TLK2: variants seen among roughly 807,000 people sequenced by gnomAD.
The protein encoded by TLK2 is tousled like kinase 2, also known as serine/threonine-protein kinase tousled-like 2.
A neutral mutation model predicts 117.3 loss-of-function variants in TLK2; 6 were observed. That is an observed-to-expected ratio of 0.05 (90% CI 0.03 to 0.10). TLK2 has a LOEUF of 0.10. Among genes scored for constraint, TLK2 ranks in the 10% least tolerant of loss-of-function variants. The probability of loss-of-function intolerance (pLI) is 1.00; values close to 1 mark genes in which losing one functional copy is unlikely to be tolerated. For synonymous variants in TLK2, 257 were observed against 316.7 expected, an observed-to-expected ratio of 0.81 and a Z score of 2.00; for missense variants, 299 against 901.2, an observed-to-expected ratio of 0.33 and a Z score of 8.56.
chr17:62,544,216 C>T (rs529863274), intron 7 of TLK2, among the ~76,000 whole-genome samples: 1 of 152,258 alleles, frequency 6.6e-6, no homozygotes, highest in East Asian at 1.9e-4. Context: ...CACACTGCTA[C>T]AAAGAACTAC....
At chr17:62,524,846 G>T (rs1266583440) in intron 6 of TLK2, among the ~76,000 whole-genome samples, 2 of 152,126 alleles carry the variant, frequency 1.3e-5, no homozygotes, top group Non-Finnish European at 2.9e-5. Flanking sequence ...TGCCCCTCAG[G>T]AACATTTGTG....
At chr17:62,588,326 G>T (rs1048764382) in intron 16 of TLK2, among the ~76,000 whole-genome samples, 10 of 152,184 alleles carry the variant, frequency 6.6e-5, no homozygotes, top group African/African-American at 2.4e-4. Context: ...AAACACTGAG[G>T]AGTGGAAGCC....
At chr17:62,551,851 T>C (rs2146196802) in intron 7 of TLK2, 1 of 177,424 alleles carries the variant, frequency 5.6e-6, no homozygotes, top group Admixed American at 5.5e-5. Flanking sequence ...CAACCTGGAT[T>C]TTAGACCGCT....
At chr17:62,513,762 C>A (rs2075344749) in intron 2 of TLK2, among the ~76,000 whole-genome samples, 1 of 151,856 alleles carries the variant, frequency 6.6e-6, no homozygotes, top group African/African-American at 2.4e-5. Flanking sequence ...GATCTTGGCT[C>A]ACTGCAACCT....
intron 11 of TLK2, chr17:62,572,906 TA>T: frequency 4.6e-6 from 1 of 219,666 alleles, no homozygotes. Flanking sequence ...CCTTAGCTGT[TA>T]AAAAGGAATC....
At chr17:62,506,644 T>A (rs1334925063) in intron 2 of TLK2, among the ~76,000 whole-genome samples, 2 of 152,242 alleles carry the variant, frequency 1.3e-5, no homozygotes, top group South Asian at 4.1e-4. Context: ...CTAGATTATG[T>A]TCATTTTTAT....
At position 62,567,850 on chromosome 17, in the gene TLK2, T is replaced by C. The variant is rs367792092; in HGVS notation, c.968+2713T>C. On this transcript the variant is annotated intron_variant, in intron 11 of 21. Transcript: ENST00000346027. ...TTATTTTTGTTCACTGGTTCTTTTT[T>C]TGAGTGATCTTTAATTTCCTAAAAC... is the stretch of plus-strand genomic sequence containing the variant. 3.5e-3 allele frequency among the ~76,000 whole-genome samples: 526 copies of C among 152,298 alleles called. 6 individuals are homozygous for C. Among genetic ancestry groups the C allele is most frequent in the African/African-American group, 0.012 (510 of 41,570 alleles).
chr17:62,614,472 C>T lies in TLK2; in HGVS notation c.*1907C>T, dbSNP rs1302901233. The T allele has an allele frequency of 6.6e-6, 1 of 152,210 alleles. No individual in the cohort carries two copies. Among genetic ancestry groups the T allele is most frequent in the Non-Finnish European group, 1.5e-5 (1 of 68,052 alleles). 9.4% of individuals were successfully genotyped at this position (152,210 alleles called of 1,614,324 possible). A position where few individuals can be genotyped will look rare whatever the true frequency, so the allele number is the denominator to read the frequency against. ...TAGAGAGCTCTCAAATAACTCATGACTCTAGTGTTCCTTTCACATGTGAAC... is the reference window on the plus strand; with the variant it reads ...TAGAGAGCTCTCAAATAACTCATGATTCTAGTGTTCCTTTCACATGTGAAC... On this transcript the variant is annotated 3_prime_UTR_variant, in exon 22 of 22. Transcript: ENST00000346027.
upstream of TLK2, among the ~76,000 whole-genome samples, chr17:62,476,583 C>CAAAATAAAATAAAAT (rs59524481): frequency 3.1e-3 from 462 of 147,032 alleles, 5 homozygotes; most frequent in African/African-American, 8.7e-3. Context: ...ACTCTGTCAC[C>CAAAATAAAATAAAAT]AAAATAAAAT....
chr17:62,565,358 T>TA (rs1351007527), intron 11 of TLK2, among the ~76,000 whole-genome samples: 1 of 151,964 alleles, frequency 6.6e-6, no homozygotes, highest in African/African-American at 2.4e-5. Context: ...AGAAAATAAA[T>TA]AAAGTATGAG....
At chr17:62,526,595 C>G (rs2076379222) in intron 6 of TLK2, among the ~76,000 whole-genome samples, 1 of 152,152 alleles carries the variant, frequency 6.6e-6, no homozygotes, top group Admixed American at 6.6e-5. Flanking sequence ...GACATTTCCA[C>G]TTGTACTGCT....
chr17:62,515,137 C>T (rs1321232771), intron 2 of TLK2, among the ~76,000 whole-genome samples: 2 of 152,192 alleles, frequency 1.3e-5, no homozygotes, highest in Admixed American at 1.3e-4. Context: ...TTGTGACTGG[C>T]TTATTCACTT....
chr17:62,568,621 A>G (rs1057471931), intron 11 of TLK2, among the ~76,000 whole-genome samples: 8 of 151,540 alleles, frequency 5.3e-5, no homozygotes, highest in South Asian at 4.2e-4. Context: ...GCCTCACTCT[A>G]TTGCCCAGGC....
chr17:62,491,629 A>G (rs1326058882), intron 2 of TLK2, among the ~76,000 whole-genome samples: 2 of 152,162 alleles, frequency 1.3e-5, no homozygotes, highest in Non-Finnish European at 2.9e-5. Flanking sequence ...CTCTGTCCCC[A>G]GGCTCCTCGA....
At chr17:62,476,108 T>A (rs1449437128), upstream of TLK2, among the ~76,000 whole-genome samples, 2 of 152,110 alleles carry the variant, frequency 1.3e-5, no homozygotes, top group African/African-American at 4.8e-5. Flanking sequence ...ACCTCCCAAG[T>A]AGCTGAAAGT....
At position 62,612,374 on chromosome 17, in the gene TLK2, A is replaced by G; in HGVS notation, c.2080-18A>G. The stretch of plus-strand genomic sequence containing the variant: ...CCAAGACTATCTGCCTCTGTCTTCA[A>G]GAAACTCTCCTTTGCAGGCGTTTAT... On this transcript the variant is annotated intron_variant, in intron 21 of 21. Coordinates refer to ENST00000346027, the MANE Select transcript of TLK2 (RefSeq NM_006852.6). 2 of 1,609,514 alleles carry G rather than the reference A, an allele frequency of 1.2e-6. No homozygotes were observed. Among genetic ancestry groups the G allele is most frequent in the Non-Finnish European group, 8.5e-7 (1 of 1,177,438 alleles).
chr17:62,482,337 C>T (rs182840893), intron 2 of TLK2, among the ~76,000 whole-genome samples: 321 of 150,274 alleles, frequency 2.1e-3, no homozygotes, highest in Middle Eastern at 3.5e-3. Flanking sequence ...GTGTTGATCT[C>T]GTGCTTTAGT....
At chr17:62,557,327 T>A (rs1435498299) in intron 9 of TLK2, among the ~76,000 whole-genome samples, 1 of 152,210 alleles carries the variant, frequency 6.6e-6, no homozygotes, top group African/African-American at 2.4e-5. Flanking sequence ...ATTTCCTAGA[T>A]ATCACGTCTT....
chr17:62,505,106 T>C (rs2074559199), intron 2 of TLK2, among the ~76,000 whole-genome samples: 1 of 152,058 alleles, frequency 6.6e-6, no homozygotes, highest in South Asian at 2.1e-4. Context: ...TCCCAGAGTG[T>C]TGGAATTACA....
Sources: gnomAD v4.1 joint callset for allele counts (sites outside exome capture counted in the v4.1 genomes callset) on GRCh38, gnomAD v4.1.1 for gene constraint, MANE v1.5 for transcripts, NCBI Gene and HGNC (gene_info 2026-07-23, HGNC 2026-07-21) for gene names.